CYP4Z1: variants seen among roughly 807,000 people sequenced by gnomAD.
CYP4Z1 encodes the protein cytochrome P450 family 4 subfamily Z member 1.
In CYP4Z1, 41 loss-of-function variants were observed where a neutral mutation model predicts 54.2. The ratio of observed to expected loss-of-function variants is 0.76; its 90% confidence interval spans 0.59 to 0.98. CYP4Z1 has a LOEUF of 0.98. Among genes scored for constraint, CYP4Z1 ranks in the 50% least tolerant of loss-of-function variants. The probability of loss-of-function intolerance (pLI) is 0.00; values close to 1 mark genes in which losing one functional copy is unlikely to be tolerated. For synonymous variants in CYP4Z1, 163 were observed against 206.2 expected, an observed-to-expected ratio of 0.79 and a Z score of 1.79; for missense variants, 513 against 599.0, an observed-to-expected ratio of 0.86 and a Z score of 1.50.
At chr1:47,099,425 G>A (rs1025025221) in intron 8 of CYP4Z1, 141 bp downstream of exon 8, 6 of 711,182 alleles carry the variant, frequency 8.4e-6, no homozygotes, top group African/African-American at 5.4e-5. Flanking sequence ...AGAGTCCTAC[G>A]TTATTTAAAG....
At chr1:47,079,300 T>C (rs28662427) in intron 2 of CYP4Z1, among the ~76,000 whole-genome samples, 64,210 of 151,890 alleles carry the variant, frequency 0.42, 15,000 homozygotes, top group East Asian at 0.97. Flanking sequence ...TTTTCAGTGG[T>C]CTTTTTTCTG....
At chr1:47,115,695 T>C in intron 10 of CYP4Z1, 102 bp downstream of exon 10, 1 of 1,142,842 alleles carries the variant, frequency 8.8e-7, no homozygotes, top group Non-Finnish European at 1.3e-6. Flanking sequence ...CGATCTGTCA[T>C]TTAGAAAAGA....
intron 6 of CYP4Z1, among the ~76,000 whole-genome samples, chr1:47,089,090 C>T (rs1368772660): frequency 1.3e-5 from 2 of 148,394 alleles, no homozygotes; most frequent in South Asian, 4.3e-4. Flanking sequence ...CGATTTTTAT[C>T]CCTTCTTTTA....
chr1:47,102,882 T>C (rs536451845), intron 8 of CYP4Z1, among the ~76,000 whole-genome samples: 4 of 152,286 alleles, frequency 2.6e-5, no homozygotes, highest in African/African-American at 9.6e-5. Flanking sequence ...ATTAGACTTA[T>C]GAAGTTGTTG....
intron 4 of CYP4Z1, among the ~76,000 whole-genome samples, chr1:47,083,112 T>C (rs1424603313): frequency 2.0e-5 from 3 of 152,016 alleles, no homozygotes; most frequent in African/African-American, 7.3e-5. Context: ...TTGCGACAAC[T>C]CAAAGACTAA....
In CYP4Z1 at chr1:47,076,723, T is replaced by C. The variant is rs1188840021; in HGVS notation, c.320-3900T>C. 4.7e-5 allele frequency among the ~76,000 whole-genome samples: 7 copies of C among 150,476 alleles called. No individual in the cohort carries two copies. The East Asian group carries it at 1.4e-3, about 30-fold the overall frequency. On this transcript the variant is annotated intron_variant, in intron 2 of 11. Transcript: ENST00000334194. Reference sequence around the variant, plus strand: ...AGCCGGGAGCGGTGGCGGGCTCCTGTAGTCCCAGCTACTTGAGAGGCTGAG... The same window carrying C: ...AGCCGGGAGCGGTGGCGGGCTCCTGCAGTCCCAGCTACTTGAGAGGCTGAG...
At chr1:47,088,531 T>G (rs1644614437) in intron 6 of CYP4Z1, among the ~76,000 whole-genome samples, 1 of 152,082 alleles carries the variant, frequency 6.6e-6, no homozygotes, top group Non-Finnish European at 1.5e-5. Context: ...TCTGTGGGAT[T>G]GGTGGTGACA....
Position 47,118,226 on chromosome 1 carries a change from C to A in CYP4Z1, c.*292C>A. The A allele has an allele frequency of 3.7e-6, 1 of 270,232 alleles. No individual in the cohort carries two copies. Among genetic ancestry groups the A allele is most frequent in the South Asian group, 7.1e-5 (1 of 14,076 alleles). 16.7% of individuals were successfully genotyped at this position (270,232 alleles called of 1,614,324 possible). On this transcript the variant is annotated 3_prime_UTR_variant, in exon 12 of 12. Coordinates refer to ENST00000334194, the MANE Select transcript of CYP4Z1 (RefSeq NM_178134.3). ...TTTCAAGCATAGTTTGATCAAAACT[C>A]CACTCAGTATCTGCATTACTTTTAT... is the stretch of plus-strand genomic sequence containing the variant.
intron 6 of CYP4Z1, among the ~76,000 whole-genome samples, chr1:47,092,557 T>G (rs1298681465): frequency 6.6e-6 from 1 of 151,760 alleles, no homozygotes; most frequent in Non-Finnish European, 1.5e-5. Flanking sequence ...TATTAAAAAG[T>G]GCTTCCTTTT....
chr1:47,091,810 A>G (rs1165567616), intron 6 of CYP4Z1, among the ~76,000 whole-genome samples: 1 of 149,866 alleles, frequency 6.7e-6, no homozygotes, highest in Non-Finnish European at 1.5e-5. Context: ...CGTGTAAACA[A>G]TAAGTTCTAA....
At chr1:47,055,657 T>A in the CYP4Z1 span, among the ~76,000 whole-genome samples, 1 of 152,232 alleles carries the variant, frequency 6.6e-6, no homozygotes, top group Non-Finnish European at 1.5e-5. Flanking sequence ...GGAGGGTGTA[T>A]GTGTCGAGGA....
Position 47,103,044 on chromosome 1 carries a change from A to G in CYP4Z1, c.1068-3084A>G, listed in dbSNP as rs540760868. Among the ~76,000 whole-genome samples, 9 of 152,126 alleles carry G rather than the reference A, an allele frequency of 5.9e-5. No homozygotes were observed. The South Asian group carries it at 1.9e-3, about 32-fold the overall frequency. Reference sequence around the variant, plus strand: ...TTTATTCTTTTTTTAAAAAAATTGTATAACTGGGTTATTTCAAAAGACCTG... The same window carrying G: ...TTTATTCTTTTTTTAAAAAAATTGTGTAACTGGGTTATTTCAAAAGACCTG... On this transcript the variant is annotated intron_variant, in intron 8 of 11. Coordinates refer to ENST00000334194, the MANE Select transcript of CYP4Z1 (RefSeq NM_178134.3).
chr1:47,085,660 A>G (rs1644587623), intron 6 of CYP4Z1, among the ~76,000 whole-genome samples: 1 of 149,546 alleles, frequency 6.7e-6, no homozygotes. Context: ...GTGCCCTTAT[A>G]TTTGCGGTTT....
intron 2 of CYP4Z1, among the ~76,000 whole-genome samples, chr1:47,079,178 C>T (rs972930408): frequency 6.6e-6 from 1 of 152,148 alleles, no homozygotes; most frequent in African/African-American, 2.4e-5. Context: ...TCTCTAGGAT[C>T]CAGGAAACAG....
intron 9 of CYP4Z1, among the ~76,000 whole-genome samples, chr1:47,108,696 C>G (rs866654261): frequency 6.0e-4 from 92 of 152,166 alleles, no homozygotes; most frequent in African/African-American, 2.0e-3. Flanking sequence ...AACATTTGCT[C>G]TAGGCACTTT....
Position 47,105,907 on chromosome 1 carries a change from C to G in CYP4Z1, c.1068-221C>G, listed in dbSNP as rs574136158. Among the ~76,000 whole-genome samples the G allele has an allele frequency of 2.4e-4, 30 of 126,182 alleles. 1 individual carries two copies. The South Asian group carries it at 0.011, about 44-fold the overall frequency. 82.8% of individuals were successfully genotyped at this position (126,182 alleles called of 152,430 possible). Reference sequence around the variant, plus strand: ...GAATAAGTATGTCTCAGGATAAGAGCCCTATATCTGCGGGGGGGGGAGAAT... The same window carrying G: ...GAATAAGTATGTCTCAGGATAAGAGGCCTATATCTGCGGGGGGGGGAGAAT... On this transcript the variant is annotated intron_variant, in intron 8 of 11. Coordinates refer to ENST00000334194, the MANE Select transcript of CYP4Z1 (RefSeq NM_178134.3).
At chr1:47,101,196 C>G (rs1196734695) in intron 8 of CYP4Z1, among the ~76,000 whole-genome samples, 1 of 152,020 alleles carries the variant, frequency 6.6e-6, no homozygotes, top group Non-Finnish European at 1.5e-5. Context: ...CTTTCAAAAA[C>G]CAACTTTCAT....
At chr1:47,062,578 C>G (rs1230234537), upstream of CYP4Z1, among the ~76,000 whole-genome samples, 3 of 152,148 alleles carry the variant, frequency 2.0e-5, no homozygotes, top group Non-Finnish European at 2.9e-5. Flanking sequence ...GGCTTTCCCC[C>G]ACTTCCCTGG....
intron 9 of CYP4Z1, among the ~76,000 whole-genome samples, chr1:47,114,426 A>C (rs200639500): frequency 6.6e-6 from 1 of 152,202 alleles, no homozygotes; most frequent in Non-Finnish European, 1.5e-5. Flanking sequence ...AATGGCAACA[A>C]AAGCCAAAAT....
Sources: allele counts gnomAD v4.1 joint callset (sites outside exome capture counted in the v4.1 genomes callset), GRCh38; gene constraint gnomAD v4.1.1; transcripts MANE v1.5; gene names NCBI Gene and HGNC (gene_info 2026-07-23, HGNC 2026-07-21).